Variants in PIK3CD observed in about 807,000 individuals in gnomAD.
The protein encoded by PIK3CD is phosphatidylinositol-4,5-bisphosphate 3-kinase catalytic subunit delta, also known as phosphatidylinositol 4,5-bisphosphate 3-kinase catalytic subunit delta isoform.
PIK3CD carries 20 observed loss-of-function variants against 122.9 expected under a neutral mutation model. The ratio of observed to expected loss-of-function variants is 0.16; its 90% CI spans 0.11 to 0.24. PIK3CD has a LOEUF of 0.24. Among genes scored for constraint, PIK3CD ranks in the 10% least tolerant of loss-of-function variants. The pLI, the probability that PIK3CD is intolerant of heterozygous loss-of-function variation, is 1.00. For missense variants in PIK3CD, 787 were observed against 1,406.3 expected, an observed-to-expected ratio of 0.56 and a Z score of 7.04; for synonymous variants, 596 against 593.4, an observed-to-expected ratio of 1.00 and a Z score of -0.06.
intron 1 of PIK3CD, among the ~76,000 whole-genome samples, chr1:9,674,390 C>T (rs770295527): frequency 3.9e-5 from 6 of 152,014 alleles, no homozygotes; most frequent in African/African-American, 4.8e-5. Context: ...TTTGAAAATA[C>T]GAAGGTTGGC....
the PIK3CD span, among the ~76,000 whole-genome samples, chr1:9,631,181 A>G: frequency 1.3e-5 from 2 of 152,210 alleles, no homozygotes; most frequent in Non-Finnish European, 2.9e-5. Flanking sequence ...TCAAGCTGCT[A>G]CATCCTGGAT....
At chr1:9,683,775 C>T (rs903380404) in intron 1 of PIK3CD, among the ~76,000 whole-genome samples, 2 of 152,236 alleles carry the variant, frequency 1.3e-5, no homozygotes, top group African/African-American at 4.8e-5. Flanking sequence ...CTCAGCAGGA[C>T]GGCCTGGCTC....
Position 9,717,914 on chromosome 1 carries a change from C to T in PIK3CD, c.1020+288C>T, listed in dbSNP as rs1393503372. On this transcript the variant is annotated intron_variant, in intron 8 of 23. Coordinates refer to ENST00000377346, the MANE Select transcript of PIK3CD (RefSeq NM_005026.5). The surrounding 1 kb of genome is among the most constrained non-coding windows in gnomAD (Gnocchi z 5.4). The stretch of plus-strand genomic sequence containing the variant: ...CAGGTTCAGCCCAGGGATCCGGGAC[C>T]GCAGAGCTGGGGGAAGGGCCGGGCA... 6.6e-6 allele frequency among the ~76,000 whole-genome samples: 1 copy of T among 152,092 alleles called. No homozygotes were observed. The highest frequency in any genetic ancestry group is 2.4e-5 in the African/African-American group (1 of 41,474).
In PIK3CD at chr1:9,667,592, A is replaced by G. The variant is rs543362191; in HGVS notation, c.-138+15790A>G. ...TGGGTTTCACCGTGTTAGCCAGGAT[A>G]GTCTCCATCTCCTGAACTCGTGATC... On this transcript the variant is annotated intron_variant, in intron 1 of 23. Transcript: ENST00000377346. Among the ~76,000 whole-genome samples, 7 of 151,618 alleles carry G rather than the reference A, an allele frequency of 4.6e-5. No homozygotes were observed. In the South Asian group the frequency reaches 1.3e-3, roughly 27 times the overall value.
chr1:9,661,396 T>G (rs781245221), intron 1 of PIK3CD, among the ~76,000 whole-genome samples: 16 of 150,218 alleles, frequency 1.1e-4, no homozygotes, highest in Non-Finnish European at 2.2e-4. Context: ...TTTTCTTTTC[T>G]TTTCTTTTTC....
rs982058614 is a variant in PIK3CD at position 9,652,199 on chromosome 1, G to A, written c.-138+397G>A. On this transcript the variant is annotated intron_variant, in intron 1 of 23. Coordinates refer to ENST00000377346, the MANE Select transcript of PIK3CD (RefSeq NM_005026.5). This position sits in a 1 kb window ranked among gnomAD's most constrained non-coding sequence, Gnocchi z 6.2. ...CGCGAGGATACTGGAAGCGCTCAGC[G>A]CGTGCGCCCGCTCCGAGCGCTGACT... 9.2e-5 allele frequency among the ~76,000 whole-genome samples: 14 copies of A among 152,028 alleles called. No individual in the cohort carries two copies. Among genetic ancestry groups the A allele is most frequent in the African/African-American group, 3.4e-4 (14 of 41,434 alleles).
At chr1:9,631,742 C>T in the PIK3CD span, among the ~76,000 whole-genome samples, 7 of 152,260 alleles carry the variant, frequency 4.6e-5, no homozygotes, top group Non-Finnish European at 1.0e-4. Context: ...TCATTCCATT[C>T]TGGTCCTGCC....
Position 9,689,215 on chromosome 1 carries a change from G to C in PIK3CD, c.-137-2252G>C, listed in dbSNP as rs1337268963. Among the ~76,000 whole-genome samples the C allele has an allele frequency of 6.6e-6, 1 of 152,216 alleles. No individual in the cohort carries two copies. Among genetic ancestry groups the C allele is most frequent in the Non-Finnish European group, 1.5e-5 (1 of 68,036 alleles). On this transcript the variant is annotated intron_variant, in intron 1 of 23. Transcript: ENST00000377346. This position sits in a 1 kb window ranked among gnomAD's most constrained non-coding sequence, Gnocchi z 6.1. The stretch of plus-strand genomic sequence containing the variant: ...GGCGCTTTCTATTTATTGATTGTAA[G>C]GTGAAACCTAGGCCAGAGCCAGCGT...
At chr1:9,668,951 A>T (rs1645242318) in intron 1 of PIK3CD, among the ~76,000 whole-genome samples, 1 of 152,118 alleles carries the variant, frequency 6.6e-6, no homozygotes, top group East Asian at 1.9e-4. Flanking sequence ...GGAGCATGGA[A>T]ATGGGGGCTA....
intron 1 of PIK3CD, chr1:9,654,306 C>T (rs941894232): frequency 3.7e-6 from 5 of 1,367,754 alleles, no homozygotes; most frequent in Non-Finnish European, 4.9e-6. Flanking sequence ...CCTCAGTCCA[C>T]GCCGCCAGGT....
At chr1:9,690,725 A>C (rs1221889866) in intron 1 of PIK3CD, among the ~76,000 whole-genome samples, 1 of 152,112 alleles carries the variant, frequency 6.6e-6, no homozygotes, top group African/African-American at 2.4e-5. Flanking sequence ...GCGGGTTCCT[A>C]GGGCTCTGCT....
the PIK3CD span, among the ~76,000 whole-genome samples, chr1:9,641,084 T>C: frequency 6.6e-6 from 1 of 152,124 alleles, no homozygotes; most frequent in South Asian, 2.1e-4. Context: ...CAACACTGTA[T>C]CTTATTTTTA....
intron 1 of PIK3CD, among the ~76,000 whole-genome samples, chr1:9,684,864 AAG>A (rs1298215287): frequency 6.6e-6 from 1 of 150,940 alleles, no homozygotes; most frequent in African/African-American, 2.4e-5. Flanking sequence ...AAAAAAAAGA[AAG>A]AAAAAAGAAA....
At chr1:9,690,422 C>T (rs1307932985) in intron 1 of PIK3CD, among the ~76,000 whole-genome samples, 1 of 152,150 alleles carries the variant, frequency 6.6e-6, no homozygotes, top group African/African-American at 2.4e-5. Context: ...TTTCCCTGTG[C>T]CAGAGCTACT....
At position 9,720,336 on chromosome 1, in the gene PIK3CD, C is replaced by T. The variant is rs1472027522; in HGVS notation, c.1470+94C>T. On this transcript the variant is annotated intron_variant, in intron 11 of 23. Transcript: ENST00000377346. This position sits in a 1 kb window ranked among gnomAD's most constrained non-coding sequence, Gnocchi z 9.0. The stretch of plus-strand genomic sequence containing the variant: ...CTCTTCAGAGGGTGCTCCCTGGCCA[C>T]GTCGGGGCTGGGCTACCAGGCATAT... 2.0e-5 allele frequency: 30 copies of T among 1,467,080 alleles called. No homozygotes were observed. Among genetic ancestry groups the T allele is most frequent in the East Asian group, 2.5e-5 (1 of 40,778 alleles). The allele number at this position is 1,467,080 out of a possible 1,614,324, so 90.9% of individuals were successfully genotyped here.
upstream of PIK3CD, among the ~76,000 whole-genome samples, chr1:9,650,327 C>G (rs1644648620): frequency 1.3e-5 from 2 of 152,112 alleles, no homozygotes; most frequent in Non-Finnish European, 2.9e-5. Flanking sequence ...GAGGCTGAGG[C>G]AGGAGAATTG....
rs879485222 is a variant in PIK3CD at position 9,724,214 on chromosome 1, C to T, written c.2719-62C>T. 9.9e-6 allele frequency: 16 copies of T among 1,612,922 alleles called. No homozygotes were observed. The highest frequency in any genetic ancestry group is 1.3e-5 in the Non-Finnish European group (15 of 1,179,558). On this transcript the variant is annotated intron_variant, in intron 21 of 23. Coordinates refer to ENST00000377346, the MANE Select transcript of PIK3CD (RefSeq NM_005026.5). This position sits in a 1 kb window ranked among gnomAD's most constrained non-coding sequence, Gnocchi z 7.3. ...CCCCAGCCCTGCTGGCTTCCTGTCT[C>T]CCCTGGATTCTCTCCTGTCTGACAC...
intron 1 of PIK3CD, among the ~76,000 whole-genome samples, chr1:9,658,052 T>C (rs1205201985): frequency 6.6e-6 from 1 of 152,120 alleles, no homozygotes; most frequent in Admixed American, 6.6e-5. Flanking sequence ...TTCTTATCAA[T>C]AGAGAAGCAT....
chr1:9,648,218 G>A (rs1384868569), upstream of PIK3CD, among the ~76,000 whole-genome samples: 1 of 152,148 alleles, frequency 6.6e-6, no homozygotes, highest in African/African-American at 2.4e-5. Flanking sequence ...TATATTTTGG[G>A]GGGACATATT....
Sources: gnomAD v4.1 joint callset for allele counts (sites outside exome capture counted in the v4.1 genomes callset) on GRCh38, gnomAD v4.1.1 for gene constraint, Gnocchi (gnomAD v3.1) non-coding constraint, MANE v1.5 for transcripts, NCBI Gene and HGNC (gene_info 2026-07-23, HGNC 2026-07-21) for gene names.